FRMPD3: variants seen among roughly 807,000 people sequenced by gnomAD.
The protein encoded by FRMPD3 is FERM and PDZ domain-containing protein 3.
In FRMPD3, 42 loss-of-function variants were observed where a neutral mutation model predicts 97.9. The observed-to-expected ratio is 0.43, with a 90% CI of 0.34 to 0.55. The LOEUF is 0.55. Among genes scored for constraint, FRMPD3 ranks in the 20% least tolerant of loss-of-function variants. The pLI, the probability that FRMPD3 is intolerant of heterozygous loss-of-function variation, is 0.03. For missense variants in FRMPD3, 1,303 were observed against 1,457.7 expected, an observed-to-expected ratio of 0.89 and a Z score of 1.73; for synonymous variants, 577 against 581.1, an observed-to-expected ratio of 0.99 and a Z score of 0.10.
chrX:107,556,607 G>A (rs1922094926), intron 8 of FRMPD3, among the ~76,000 whole-genome samples: 1 of 111,537 alleles, frequency 9.0e-6, no homozygotes, highest in Non-Finnish European at 1.9e-5. Flanking sequence ...AGTTTATTCA[G>A]GCCACTTTGT....
chrX:107,456,256 A>G lies in FRMPD3; in HGVS notation c.-8+6251A>G, dbSNP rs1222608042. 4.5e-5 allele frequency among the ~76,000 whole-genome samples: 5 copies of G among 110,283 alleles called. No homozygotes were observed. In the Admixed American group the frequency reaches 4.8e-4, roughly 11 times the overall value. ...TGTTGTGTTGCCTAACCTGGTCTCC[A>G]ATTCCTGGGCTCAAGCAATCCTCCC... is the stretch of plus-strand genomic sequence containing the variant. On this transcript the variant is annotated intron_variant, in intron 1 of 14. Coordinates refer to ENST00000683843, the MANE Select transcript of FRMPD3 (RefSeq NM_001388459.1).
Position 107,602,627 on chromosome X carries a change from C to G in FRMPD3, c.4588C>G (p.Leu1530Val). Residue 1530 changes from leucine (L) to valine (V), a missense_variant, in exon 15 of 15, where the codon CTG becomes GTG. This residue lies in a region of FRMPD3 where 764 missense variants were observed against 820.2 expected (regional missense o/e 0.93). Coordinates refer to ENST00000683843, the MANE Select transcript of FRMPD3 (RefSeq NM_001388459.1). ...IPMKILPGMKLDEQVVPVVSR... is the reference protein window; with the variant it reads ...IPMKILPGMKVDEQVVPVVSR... ...CATGAAGATCCTGCCTGGCATGAAG[C>G]TGGACGAGCAGGTGGTGCCTGTGGT... 1 of 1,211,139 alleles carries G rather than the reference C, an allele frequency of 8.3e-7. No homozygotes were observed. Among genetic ancestry groups the G allele is most frequent in the Non-Finnish European group, 1.1e-6 (1 of 895,444 alleles).
chrX:107,481,617 C>T (rs1018157238), intron 1 of FRMPD3, among the ~76,000 whole-genome samples: 4 of 111,802 alleles, frequency 3.6e-5, no homozygotes, highest in Non-Finnish European at 7.5e-5. Flanking sequence ...GGAGAGCTAG[C>T]GCTTGGGCAA....
intron 1 of FRMPD3, among the ~76,000 whole-genome samples, chrX:107,451,567 G>A (rs962014026): frequency 8.9e-6 from 1 of 112,489 alleles, no homozygotes; most frequent in African/African-American, 3.2e-5. Context: ...GAGGCTTTTC[G>A]GGAAGCCTTT....
At chrX:107,541,005 C>A (rs2147566747) in intron 4 of FRMPD3, among the ~76,000 whole-genome samples, 1 of 112,775 alleles carries the variant, frequency 8.9e-6, no homozygotes, top group East Asian at 2.8e-4. Flanking sequence ...GCTTTGCAGG[C>A]CATATGTGGT....
intron 1 of FRMPD3, among the ~76,000 whole-genome samples, chrX:107,494,626 C>T (rs1057422758): frequency 1.8e-5 from 2 of 111,218 alleles, no homozygotes; most frequent in Non-Finnish European, 3.8e-5. Context: ...ATTTCTTGAG[C>T]AGTTATTAAG....
chrX:107,545,929 A>G (rs939325379), intron 5 of FRMPD3, 88 bp downstream of exon 5: 14 of 722,513 alleles, frequency 1.9e-5, no homozygotes, highest in Non-Finnish European at 2.7e-5. Context: ...CTTATAGTGG[A>G]CAGCTTTCCG....
Position 107,597,520 on chromosome X carries a change from C to A in FRMPD3, c.1641C>A (p.Asn547Lys). 1 of 1,210,656 alleles carries A rather than the reference C, an allele frequency of 8.3e-7. No individual in the cohort carries two copies. The highest frequency in any genetic ancestry group is 1.1e-6 in the Non-Finnish European group (1 of 895,323). Residue 547 changes from asparagine to lysine, a missense_variant, in exon 14 of 15, where the codon AAC (asparagine) becomes AAA (lysine). Physicochemically the swap from Asn to Lys is moderately conservative, Grantham distance 94. Around this residue, in one of 3 missense-constraint regions of FRMPD3, gnomAD observed 535 missense variants for 618.6 expected, o/e 0.86. Coordinates refer to ENST00000683843, the MANE Select transcript of FRMPD3 (RefSeq NM_001388459.1). ...RKEQESRTDV[N>K]ENLIFFEETR... ...AGCAGGAAAGCCGGACAGATGTCAA[C>A]GAGAACCTAATCTTCTTTGAGGAGA... is the stretch of plus-strand genomic sequence containing the variant.
intron 1 of FRMPD3, among the ~76,000 whole-genome samples, chrX:107,499,087 T>C (rs1474495644): frequency 9.1e-6 from 1 of 109,623 alleles, no homozygotes; most frequent in Non-Finnish European, 1.9e-5. Context: ...ACAAGACATA[T>C]GTCCCACTAA....
rs1174951876 is a variant in FRMPD3 at position 107,560,275 on chromosome X, C to G, written c.781C>G (p.Arg261Gly). The G allele has an allele frequency of 2.5e-6, 3 of 1,208,453 alleles. No homozygotes were observed. The highest frequency in any genetic ancestry group is 3.4e-6 in the Non-Finnish European group (3 of 894,762). The stretch of plus-strand genomic sequence containing the variant: ...CTCACAGAGTCGGAATGATGTTATT[C>G]GAGAACGCTTTGGAATGGATCCCAA... ...LYIQSRNDVI[R>G]ERFGMDPKPE... is the part of the protein sequence containing the mutation. The change falls in exon 9 of 15, where the codon CGA becomes GGA. Residue 261 changes from arginine (R) to glycine (G), a missense_variant. Physicochemically the swap from Arg to Gly is moderately radical, Grantham distance 125 (BLOSUM62 -2). Transcript: ENST00000683843.
intron 1 of FRMPD3, among the ~76,000 whole-genome samples, chrX:107,487,926 C>A (rs1213368795): frequency 8.9e-6 from 1 of 112,079 alleles, no homozygotes; most frequent in Non-Finnish European, 1.9e-5. Context: ...TTCCTCGCAG[C>A]AGCACAAACA....
chrX:107,458,277 G>A (rs988172592), intron 1 of FRMPD3, among the ~76,000 whole-genome samples: 2 of 112,029 alleles, frequency 1.8e-5, no homozygotes, highest in Non-Finnish European at 3.8e-5. Flanking sequence ...CTGGAAATCC[G>A]TAATTTAACA....
chrX:107,590,732 T>C (rs1923861948), intron 13 of FRMPD3, among the ~76,000 whole-genome samples: 1 of 112,994 alleles, frequency 8.9e-6, no homozygotes, highest in South Asian at 3.6e-4. Flanking sequence ...ATTCAGTTTG[T>C]TAGTATTTAT....
intron 2 of FRMPD3, among the ~76,000 whole-genome samples, chrX:107,527,334 G>T (rs1468490569): frequency 8.9e-6 from 1 of 112,615 alleles, no homozygotes; most frequent in Non-Finnish European, 1.9e-5. Flanking sequence ...ACATCATATT[G>T]TTTAATTCTC....
chrX:107,488,895 T>C (rs1368946807), intron 1 of FRMPD3, among the ~76,000 whole-genome samples: 1 of 109,310 alleles, frequency 9.1e-6, no homozygotes, highest in Admixed American at 9.7e-5. Flanking sequence ...GCAGGTTTGT[T>C]ACATATGTAT....
intron 1 of FRMPD3, among the ~76,000 whole-genome samples, chrX:107,489,869 T>C (rs1207910792): frequency 2.7e-5 from 3 of 111,852 alleles, no homozygotes; most frequent in African/African-American, 6.5e-5. Flanking sequence ...ATTTTGGCTT[T>C]TGTTGCCATT....
At position 107,491,039 on chromosome X, in the gene FRMPD3, C is replaced by T. The variant is rs540671494; in HGVS notation, c.-7-35543C>T. Among the ~76,000 whole-genome samples the T allele has an allele frequency of 2.0e-4, 22 of 111,507 alleles. No homozygotes were observed. The South Asian group carries it at 7.3e-3, about 37-fold the overall frequency. The stretch of plus-strand genomic sequence containing the variant: ...TGTTATCATCTGCATTTTACAACTG[C>T]GAAAACTGACCACCTACTATTGGGT... On this transcript the variant is annotated intron_variant, in intron 1 of 14. Coordinates refer to ENST00000683843, the MANE Select transcript of FRMPD3 (RefSeq NM_001388459.1).
rs1921260474 is a variant in FRMPD3 at position 107,478,601 on chromosome X, T to C, written c.-8+28596T>C. Among the ~76,000 whole-genome samples, 3 of 111,955 alleles carry C rather than the reference T, an allele frequency of 2.7e-5. No individual in the cohort carries two copies. The South Asian group carries it at 1.1e-3, about 42-fold the overall frequency. On this transcript the variant is annotated intron_variant, in intron 1 of 14. Coordinates refer to ENST00000683843, the MANE Select transcript of FRMPD3 (RefSeq NM_001388459.1). ...TTTCAAGCATCTGGTCCAGGGTGTTTACTAAATGTTCGTCTCCTCGTTTTA... is the reference window on the plus strand; with the variant it reads ...TTTCAAGCATCTGGTCCAGGGTGTTCACTAAATGTTCGTCTCCTCGTTTTA...
At chrX:107,453,447 A>T (rs1314615843) in intron 1 of FRMPD3, among the ~76,000 whole-genome samples, 1 of 110,280 alleles carries the variant, frequency 9.1e-6, no homozygotes, top group African/African-American at 3.3e-5. Flanking sequence ...AGCACACTCA[A>T]GTCAGCTTCT....
Sources: gnomAD v4.1 joint callset for allele counts (sites outside exome capture counted in the v4.1 genomes callset) on GRCh38, gnomAD v4.1.1 for gene constraint, gnomAD v4.1.1 regional missense constraint, MANE v1.5 for transcripts, NCBI Gene and HGNC (gene_info 2026-07-23, HGNC 2026-07-21) for gene names.